MYO10: variants seen among roughly 807,000 people sequenced by gnomAD.
The protein encoded by MYO10 is myosin X.
Under a neutral mutation model 257.3 loss-of-function variants are expected in MYO10, and 133 were observed. That is an observed-to-expected ratio of 0.52 (90% confidence interval 0.45 to 0.60). The LOEUF (loss-of-function observed/expected upper bound fraction) is 0.60, where lower values mean the gene tolerates loss of function less well. Ranked by LOEUF, MYO10 falls within the 20% of genes least tolerant of loss-of-function variation. The pLI is 0.00. For synonymous variants in MYO10, 1,104 were observed against 1,028.6 expected, an observed-to-expected ratio of 1.07 and a Z score of -1.40; for missense variants, 2,399 against 2,635.7, an observed-to-expected ratio of 0.91 and a Z score of 1.97.
At chr5:16,807,256 G>C (rs569597680) in intron 3 of MYO10, among the ~76,000 whole-genome samples, 1 of 152,292 alleles carries the variant, frequency 6.6e-6, no homozygotes, top group East Asian at 1.9e-4. Context: ...ACTGGCTCAA[G>C]CTCAACAGAC....
chr5:16,922,782 G>A (rs1481270313), intron 1 of MYO10, among the ~76,000 whole-genome samples: 1 of 152,226 alleles, frequency 6.6e-6, no homozygotes, highest in African/African-American at 2.4e-5. Context: ...TGTAATTCCA[G>A]CACTCTGGGA....
intron 2 of MYO10, among the ~76,000 whole-genome samples, chr5:16,875,086 C>A (rs1420170111): frequency 1.3e-5 from 2 of 152,156 alleles, no homozygotes; most frequent in South Asian, 4.1e-4. Flanking sequence ...TCAATTACCT[C>A]CCCCTGGGTC....
chr5:16,871,705 C>T (rs904924873), intron 2 of MYO10, among the ~76,000 whole-genome samples: 1 of 152,114 alleles, frequency 6.6e-6, no homozygotes, highest in African/African-American at 2.4e-5. Context: ...GGCGACGATT[C>T]CTGCATGTTC....
rs1335304660 is a variant in MYO10, at chr5:16,664,413, A to G, written c.*2279T>C. 6.6e-6 allele frequency: 1 copy of G among 152,202 alleles called. No homozygotes were observed. The highest frequency in any genetic ancestry group is 1.5e-5 in the Non-Finnish European group (1 of 68,040). The allele number at this position is 152,202 out of a possible 1,614,324, so 9.4% of individuals were successfully genotyped here. A position where few individuals can be genotyped will look rare whatever the true frequency, so the allele number is the denominator to read the frequency against. On this transcript the variant is annotated 3_prime_UTR_variant, in exon 41 of 41. Transcript: ENST00000513610. ...TCAAATTCTTTCTGAGCCTAAAATA[A>G]AAACAAAGACAACACACATCCAAGT...
At chr5:16,706,477 C>G (rs1031374322) in intron 21 of MYO10, among the ~76,000 whole-genome samples, 2 of 152,094 alleles carry the variant, frequency 1.3e-5, no homozygotes, top group Non-Finnish European at 2.9e-5. Flanking sequence ...TTCAACTTCT[C>G]TGAGATTTTT....
chr5:16,713,760 T>C (rs2126583484), intron 19 of MYO10, among the ~76,000 whole-genome samples: 1 of 152,282 alleles, frequency 6.6e-6, no homozygotes, highest in Admixed American at 6.5e-5. Flanking sequence ...CCTTTTCTGG[T>C]GAATTGAATG....
intron 4 of MYO10, among the ~76,000 whole-genome samples, chr5:16,786,883 T>A (rs992383950): frequency 2.5e-4 from 3 of 12,076 alleles, no homozygotes; most frequent in Non-Finnish European, 1.2e-3. Context: ...AAAAAAAAAT[T>A]TTTGGCCGGG....
intron 26 of MYO10, among the ~76,000 whole-genome samples, chr5:16,697,717 A>ATGGTGGTGG (rs60501561): frequency 1.3e-5 from 2 of 149,202 alleles, no homozygotes; most frequent in African/African-American, 2.5e-5. Context: ...AAAGGTTTTC[A>ATGGTGGTGG]TGGTGGTGAA....
chr5:16,794,112 C>G (rs1741856691), intron 4 of MYO10, among the ~76,000 whole-genome samples: 1 of 151,966 alleles, frequency 6.6e-6, no homozygotes, highest in African/African-American at 2.4e-5. Context: ...TTAACATACA[C>G]ACAGTAAGCC....
intron 9 of MYO10, among the ~76,000 whole-genome samples, chr5:16,772,304 G>A (rs890804503): frequency 1.3e-5 from 2 of 152,014 alleles, no homozygotes; most frequent in East Asian, 1.9e-4. Context: ...GGCTAATTTT[G>A]TATATTTAGT....
intron 9 of MYO10, among the ~76,000 whole-genome samples, chr5:16,779,119 T>C (rs1186151059): frequency 6.6e-6 from 1 of 152,166 alleles, no homozygotes; most frequent in Non-Finnish European, 1.5e-5. Context: ...GCAACAACAG[T>C]CACCTGGGCC....
intron 1 of MYO10, among the ~76,000 whole-genome samples, chr5:16,886,178 C>A (rs571383729): frequency 2.6e-5 from 4 of 152,234 alleles, no homozygotes; most frequent in African/African-American, 9.6e-5. Context: ...TCAAAGGATG[C>A]GGAGCTGAAG....
At chr5:16,908,366 A>G (rs1451160804) in intron 1 of MYO10, among the ~76,000 whole-genome samples, 1 of 152,012 alleles carries the variant, frequency 6.6e-6, no homozygotes, top group East Asian at 1.9e-4. Context: ...GGTCTCTACT[A>G]AAAATACAAA....
intron 3 of MYO10, chr5:16,814,858 C>A (rs568364238): frequency 6.6e-6 from 1 of 152,102 alleles, no homozygotes; most frequent in Non-Finnish European, 1.5e-5. Context: ...ATTCCAAGAC[C>A]AAGATCTTAT....
intron 19 of MYO10, among the ~76,000 whole-genome samples, chr5:16,724,578 A>T (rs1739279998): frequency 6.6e-6 from 1 of 151,998 alleles, no homozygotes; most frequent in African/African-American, 2.4e-5. Context: ...TTTTTTTTTA[A>T]TGACTCACAT....
At chr5:16,743,309 C>T (rs914971218) in intron 19 of MYO10, among the ~76,000 whole-genome samples, 2 of 152,094 alleles carry the variant, frequency 1.3e-5, no homozygotes, top group African/African-American at 4.8e-5. Context: ...TTCCATTAAT[C>T]TTGTCCATAT....
At position 16,871,967 on chromosome 5, in the gene MYO10, C is replaced by T. The variant is rs562988168; in HGVS notation, c.120+5642G>A. Among the ~76,000 whole-genome samples, 8 of 152,310 alleles carry T rather than the reference C, an allele frequency of 5.3e-5. No homozygotes were observed. In the South Asian group the frequency reaches 1.5e-3, roughly 28 times the overall value. The stretch of plus-strand genomic sequence containing the variant: ...ACCAAATGAAGATTAGAGGTCAAGG[C>T]TCAGCGTTGTTTTCACATTTAAGTA... On this transcript the variant is annotated intron_variant, in intron 2 of 40. Coordinates refer to ENST00000513610, the MANE Select transcript of MYO10 (RefSeq NM_012334.3).
rs765504094 is a variant in MYO10 at position 16,918,851 on chromosome 5, C to T, written c.21+16937G>A. 4.6e-5 allele frequency among the ~76,000 whole-genome samples: 7 copies of T among 152,216 alleles called. No individual in the cohort carries two copies. The South Asian group carries it at 8.3e-4, about 18-fold the overall frequency. On this transcript the variant is annotated intron_variant, in intron 1 of 40. Transcript: ENST00000513610. Reference sequence around the variant, plus strand: ...ACTCGGAACAGGGATCACTTACTTACGCCAATCACTCGGGATGAGTGTGCA... The same window carrying T: ...ACTCGGAACAGGGATCACTTACTTATGCCAATCACTCGGGATGAGTGTGCA...
chr5:16,699,728 A>G, intron 25 of MYO10, 155 bp from the exon 26 acceptor site: 1 of 842,142 alleles, frequency 1.2e-6, no homozygotes, highest in Non-Finnish European at 1.8e-6. Context: ...CAGTGACTGC[A>G]CTGAGCAGAG....
Sources: gnomAD v4.1 joint callset for allele counts (sites outside exome capture counted in the v4.1 genomes callset) on GRCh38, gnomAD v4.1.1 for gene constraint, MANE v1.5 for transcripts, NCBI Gene and HGNC (gene_info 2026-07-23, HGNC 2026-07-21) for gene names.